Variants in PLCH1 observed in about 807,000 individuals in gnomAD.
PLCH1 encodes phospholipase C eta 1, also known as 1-phosphatidylinositol 4,5-bisphosphate phosphodiesterase eta-1.
PLCH1 carries 60 observed loss-of-function variants against 126.7 expected under a neutral mutation model. The ratio of observed to expected loss-of-function variants is 0.47; its 90% CI spans 0.38 to 0.59. The LOEUF (loss-of-function observed/expected upper bound fraction) is 0.59. PLCH1 is among the 20% of genes least tolerant of loss of function. The pLI, the probability that PLCH1 is intolerant of heterozygous loss-of-function variation, is 0.00. For synonymous variants in PLCH1, 719 were observed against 734.9 expected, an observed-to-expected ratio of 0.98 and a Z score of 0.35; for missense variants, 1,723 against 2,040.0, an observed-to-expected ratio of 0.84 and a Z score of 2.99.
chr3:155,458,468 AAGAAAG>A (rs1560027317), intron 21 of PLCH1, among the ~76,000 whole-genome samples: 1 of 108,342 alleles, frequency 9.2e-6, no homozygotes, highest in Admixed American at 7.7e-5. Context: ...GAAAGAAAGA[AAGAAAG>A]AAAGAAAGAA....
In PLCH1 at chr3:155,594,044, A is replaced by C; in HGVS notation, c.367T>G (p.Ser123Ala). 1 of 1,613,932 alleles carries C rather than the reference A, an allele frequency of 6.2e-7. No individual in the cohort carries two copies. ...CAGGTGCGGGCCTCCTCGGGGTTGG[A>C]GGTGATGAGGTCCAGGGACTCCATG... ...NHMESLDLIT[S>A]NPEEARTWIT... Residue 123 changes from serine (S) to alanine (A), a missense_variant, in exon 4 of 23, where the codon TCC becomes GCC. Physicochemically the swap from Ser to Ala is moderately conservative, Grantham distance 99. This residue lies in a region of PLCH1 where 776 missense variants were observed against 1,062.9 expected (regional missense o/e 0.73). Transcript: ENST00000460012.
At chr3:155,557,383 C>A (rs933377333) in intron 8 of PLCH1, among the ~76,000 whole-genome samples, 7 of 152,192 alleles carry the variant, frequency 4.6e-5, no homozygotes, top group Admixed American at 1.3e-4. Context: ...CAAAGCAATA[C>A]CTTGCCCGAC....
intron 1 of PLCH1, chr3:155,743,172 T>G (rs1377230408): frequency 4.7e-6 from 2 of 425,430 alleles, no homozygotes. Context: ...CTAGGCTGTA[T>G]GTAAACAAAC....
At chr3:155,531,631 C>T (rs1722693772) in intron 10 of PLCH1, among the ~76,000 whole-genome samples, 1 of 152,128 alleles carries the variant, frequency 6.6e-6, no homozygotes, top group Non-Finnish European at 1.5e-5. Flanking sequence ...TCTCCAAAAC[C>T]AAAAAGAAAT....
chr3:155,612,908 TAAA>T (rs59489759), intron 2 of PLCH1, among the ~76,000 whole-genome samples: 2 of 94,628 alleles, frequency 2.1e-5, no homozygotes, highest in Admixed American at 1.2e-4. Context: ...AACTGTGTAT[TAAA>T]AAAAAAAAAA....
At chr3:155,738,615 C>G (rs1749381523) in intron 1 of PLCH1, among the ~76,000 whole-genome samples, 1 of 151,866 alleles carries the variant, frequency 6.6e-6, no homozygotes, top group African/African-American at 2.4e-5. Context: ...AACCCTGTCT[C>G]TACTAAAAAT....
At chr3:155,664,670 T>G (rs1015175444) in intron 2 of PLCH1, among the ~76,000 whole-genome samples, 3 of 152,240 alleles carry the variant, frequency 2.0e-5, no homozygotes, top group Non-Finnish European at 1.5e-5. Context: ...TACATTTTTT[T>G]AAATTGCAAA....
chr3:155,587,297 A>G (rs1731501634), intron 4 of PLCH1, among the ~76,000 whole-genome samples: 2 of 152,182 alleles, frequency 1.3e-5, no homozygotes, highest in South Asian at 4.1e-4. Flanking sequence ...CCTTCACAAT[A>G]CCCCATGGTA....
chr3:155,690,496 G>C (rs1559938331), intron 2 of PLCH1, among the ~76,000 whole-genome samples: 3 of 152,162 alleles, frequency 2.0e-5, no homozygotes, highest in Non-Finnish European at 4.4e-5. Flanking sequence ...TTATAGATCA[G>C]GGTATTACGT....
At chr3:155,671,625 A>G (rs1743465757) in intron 2 of PLCH1, among the ~76,000 whole-genome samples, 2 of 152,192 alleles carry the variant, frequency 1.3e-5, no homozygotes, top group African/African-American at 4.8e-5. Flanking sequence ...GCAAAGGGAG[A>G]GTGATGGTCA....
intron 2 of PLCH1, among the ~76,000 whole-genome samples, chr3:155,655,429 G>GAAAA (rs369403290): frequency 7.1e-4 from 103 of 145,720 alleles, no homozygotes; most frequent in Admixed American, 1.8e-3. Flanking sequence ...AGAAACTTGT[G>GAAAA]AGAAAAAAAA....
chr3:155,601,842 A>G (rs1733775419), intron 2 of PLCH1, among the ~76,000 whole-genome samples: 1 of 152,128 alleles, frequency 6.6e-6, no homozygotes, highest in African/African-American at 2.4e-5. Context: ...GCCCATTTGC[A>G]GTCACTCCCC....
chr3:155,465,108 CA>C (rs150847303), intron 21 of PLCH1, among the ~76,000 whole-genome samples: 1,744 of 65,760 alleles, frequency 0.027, 17 homozygotes, highest in African/African-American at 0.072. Context: ...GACTCTGTCT[CA>C]AAAAAAAAAA....
At chr3:155,472,353 A>C (rs1026513642) in intron 21 of PLCH1, among the ~76,000 whole-genome samples, 1 of 152,234 alleles carries the variant, frequency 6.6e-6, no homozygotes, top group African/African-American at 2.4e-5. Context: ...TCCTCGACAC[A>C]TACACCCTCC....
intron 21 of PLCH1, among the ~76,000 whole-genome samples, chr3:155,462,691 CCACT>C (rs1303286029): frequency 2.0e-5 from 3 of 152,194 alleles, no homozygotes; most frequent in African/African-American, 7.2e-5. Flanking sequence ...CCACCCCATC[CCACT>C]CAAAGTCAAC....
chr3:155,543,486 T>G (rs1194145165), intron 10 of PLCH1, among the ~76,000 whole-genome samples: 5 of 152,198 alleles, frequency 3.3e-5, no homozygotes, highest in Non-Finnish European at 7.3e-5. Flanking sequence ...CCAGGAGAAC[T>G]TCCCCAGTCT....
chr3:155,536,559 C>A (rs1035238246), intron 10 of PLCH1, among the ~76,000 whole-genome samples: 1 of 151,976 alleles, frequency 6.6e-6, no homozygotes, highest in African/African-American at 2.4e-5. Flanking sequence ...AAGAATCAAA[C>A]AAGTAGAAGA....
intron 2 of PLCH1, among the ~76,000 whole-genome samples, chr3:155,694,978 G>A (rs1231781035): frequency 7.5e-6 from 1 of 133,764 alleles, no homozygotes; most frequent in African/African-American, 2.9e-5. Flanking sequence ...TTTAATGCAG[G>A]TCTATTCTGT....
At chr3:155,567,885 C>T (rs939181271) in intron 7 of PLCH1, among the ~76,000 whole-genome samples, 1 of 152,140 alleles carries the variant, frequency 6.6e-6, no homozygotes, top group Non-Finnish European at 1.5e-5. Context: ...TCAGGGATAA[C>T]TTATTTTAGG....
Sources: gnomAD v4.1 joint callset for allele counts (sites outside exome capture counted in the v4.1 genomes callset) on GRCh38, gnomAD v4.1.1 for gene constraint, gnomAD v4.1.1 regional missense constraint, MANE v1.5 for transcripts, NCBI Gene and HGNC (gene_info 2026-07-23, HGNC 2026-07-21) for gene names.